Variants in FAM53B observed in about 807,000 individuals in gnomAD.
The protein encoded by FAM53B is family with sequence similarity 53 member B, also known as protein FAM53B.
FAM53B carries 12 observed loss-of-function variants against 32.7 expected under a neutral mutation model. The ratio of observed to expected loss-of-function variants is 0.37; its 90% CI spans 0.24 to 0.59. The LOEUF is 0.59. Among genes scored for constraint, FAM53B ranks in the 20% least tolerant of loss-of-function variants. The pLI, the probability that FAM53B is intolerant of heterozygous loss-of-function variation, is 0.72. For synonymous variants in FAM53B, 234 were observed against 228.7 expected (o/e 1.02, Z -0.21); for missense variants, 477 against 577.7 (o/e 0.83, Z 1.79).
In FAM53B at chr10:124,733,982, T is replaced by C. The variant is rs1406723026; in HGVS notation, c.-175+10031A>G. On this transcript the variant is annotated intron_variant, in intron 1 of 4. Coordinates refer to ENST00000337318, the MANE Select transcript of FAM53B (RefSeq NM_014661.4). This position sits in a 1 kb window ranked among gnomAD's most constrained non-coding sequence, Gnocchi z 4.3. The stretch of plus-strand genomic sequence containing the variant: ...GGACACCTGCTCTCCTGGTCTCGAA[T>C]GTCTCCTCCTCCCCGTTCTTCATCT... Among the ~76,000 whole-genome samples, 2 of 152,334 alleles carry C rather than the reference T, an allele frequency of 1.3e-5. No homozygotes were observed. The highest frequency in any genetic ancestry group is 3.9e-4 in the East Asian group (2 of 5,174).
intron 4 of FAM53B, among the ~76,000 whole-genome samples, chr10:124,674,265 A>G (rs776835198): frequency 9.2e-5 from 14 of 152,198 alleles, no homozygotes; most frequent in Non-Finnish European, 1.9e-4. Flanking sequence ...ACACTGGATG[A>G]GCAGCAGGCC....
chr10:124,731,665 G>A (rs566119389), intron 1 of FAM53B, among the ~76,000 whole-genome samples: 36 of 151,398 alleles, frequency 2.4e-4, no homozygotes, highest in African/African-American at 8.0e-4. Flanking sequence ...ACCACCTACT[G>A]GTGGGGTTCC....
At chr10:124,633,817 T>A (rs1052888955) in intron 4 of FAM53B, among the ~76,000 whole-genome samples, 2 of 151,356 alleles carry the variant, frequency 1.3e-5, no homozygotes, top group Admixed American at 6.6e-5. Flanking sequence ...ATATAACCCA[T>A]CAAAGTACTA....
intron 1 of FAM53B, among the ~76,000 whole-genome samples, chr10:124,717,124 G>A (rs1020762982): frequency 6.6e-6 from 1 of 152,176 alleles, no homozygotes; most frequent in Admixed American, 6.5e-5. Context: ...AGGGGATGGG[G>A]GCTCTGGGCT....
intron 4 of FAM53B, among the ~76,000 whole-genome samples, chr10:124,670,051 G>A (rs1199629303): frequency 6.6e-6 from 1 of 152,112 alleles, no homozygotes; most frequent in South Asian, 2.1e-4. Context: ...ACTTCCCAGA[G>A]CCAGGGTGAG....
chr10:124,682,381 T>C lies in FAM53B; in HGVS notation c.134-2A>G. On this transcript the variant is annotated splice_acceptor_variant, in intron 3 of 4. Transcript: ENST00000337318. LOFTEE classifies it high-confidence loss of function. This position sits in a 1 kb window ranked among gnomAD's most constrained non-coding sequence, Gnocchi z 5.2. ...CCAGGTCTCGCCATCTGTCATTTTC[T>C]GGTTCATAAATGACAAGGAGAAAAC... 6.3e-7 allele frequency: 1 copy of C among 1,592,256 alleles called. No individual in the cohort carries two copies. Among genetic ancestry groups the C allele is most frequent in the Non-Finnish European group, 8.6e-7 (1 of 1,166,938 alleles).
intron 4 of FAM53B, among the ~76,000 whole-genome samples, chr10:124,647,960 G>A (rs1237760686): frequency 6.6e-6 from 1 of 152,226 alleles, no homozygotes; most frequent in Non-Finnish European, 1.5e-5. Flanking sequence ...TGGAGCCAGG[G>A]ATGGGAAAGG....
At chr10:124,624,230 A>C (rs1949330923) in intron 4 of FAM53B, among the ~76,000 whole-genome samples, 1 of 151,722 alleles carries the variant, frequency 6.6e-6, no homozygotes, top group Non-Finnish European at 1.5e-5. Flanking sequence ...CGCTCTACCC[A>C]CTCTCCACAA....
chr10:124,654,334 CCT>C (rs1283844612), intron 4 of FAM53B, among the ~76,000 whole-genome samples: 3 of 152,382 alleles, frequency 2.0e-5, no homozygotes, highest in East Asian at 3.9e-4. Flanking sequence ...GAGCGGACTT[CCT>C]CTCTCCACAC....
intron 4 of FAM53B, among the ~76,000 whole-genome samples, chr10:124,629,827 T>G (rs1949379281): frequency 6.6e-6 from 1 of 152,246 alleles, no homozygotes; most frequent in African/African-American, 2.4e-5. Context: ...TTAACCCATC[T>G]CTGGTAAATC....
intron 3 of FAM53B, among the ~76,000 whole-genome samples, chr10:124,690,647 T>C (rs1949827678): frequency 6.6e-6 from 1 of 152,250 alleles, no homozygotes; most frequent in South Asian, 2.1e-4. Flanking sequence ...TTCTGTGCTT[T>C]ATTATTCCTG....
intron 4 of FAM53B, among the ~76,000 whole-genome samples, chr10:124,676,591 C>A (rs1564874827): frequency 7.1e-6 from 1 of 140,802 alleles, no homozygotes; most frequent in Non-Finnish European, 1.5e-5. Context: ...GCCCCACCAG[C>A]ACAAAAGATG....
intron 4 of FAM53B, among the ~76,000 whole-genome samples, chr10:124,672,769 G>C (rs1949714227): frequency 6.6e-6 from 1 of 152,208 alleles, no homozygotes; most frequent in Admixed American, 6.5e-5. Context: ...GTAAGGAATG[G>C]GGCCTCCCCA....
chr10:124,647,804 G>A (rs1444439760), intron 4 of FAM53B, among the ~76,000 whole-genome samples: 2 of 152,170 alleles, frequency 1.3e-5, no homozygotes, highest in Admixed American at 6.5e-5. Context: ...AAATGTCTTC[G>A]GCTTCACCAG....
In FAM53B at chr10:124,658,886, G is replaced by A. The variant is rs574106829; in HGVS notation, c.906+22721C>T. 3.3e-5 allele frequency among the ~76,000 whole-genome samples: 5 copies of A among 152,316 alleles called. No individual in the cohort carries two copies. The South Asian group carries it at 8.3e-4, about 25-fold the overall frequency. ...CTCCCTGTGCCCCCACTGAGGCTGC[G>A]CTGCACGGGCTCAGCACACAGACTG... On this transcript the variant is annotated intron_variant, in intron 4 of 4. Transcript: ENST00000337318.
At chr10:124,716,597 T>G (rs575264325) in intron 1 of FAM53B, among the ~76,000 whole-genome samples, 229 of 152,304 alleles carry the variant, frequency 1.5e-3, no homozygotes, top group African/African-American at 3.7e-3. Flanking sequence ...GCCAACTGCA[T>G]GCATGACTTG....
At chr10:124,662,818 T>C (rs1392486527) in intron 4 of FAM53B, among the ~76,000 whole-genome samples, 3 of 152,184 alleles carry the variant, frequency 2.0e-5, no homozygotes, top group Non-Finnish European at 4.4e-5. Context: ...AGCAAGATCC[T>C]GTCAATCAAT....
At chr10:124,713,835 G>A (rs1950021163) in intron 1 of FAM53B, 1 of 152,228 alleles carries the variant, frequency 6.6e-6, no homozygotes, top group Non-Finnish European at 1.5e-5. Context: ...GCCACTGACA[G>A]TGATTTTCCT....
At chr10:124,705,312 C>T (rs911306411) in intron 2 of FAM53B, among the ~76,000 whole-genome samples, 2 of 152,190 alleles carry the variant, frequency 1.3e-5, no homozygotes, top group Non-Finnish European at 2.9e-5. Context: ...GGAGGGAAGG[C>T]GGAGGCGGAG....
Sources: allele counts gnomAD v4.1 joint callset (sites outside exome capture counted in the v4.1 genomes callset), GRCh38; gene constraint gnomAD v4.1.1; non-coding constraint Gnocchi (gnomAD v3.1); transcripts MANE v1.5; gene names NCBI Gene and HGNC (gene_info 2026-07-23, HGNC 2026-07-21).